Variants in CCDC7 observed in about 807,000 individuals in gnomAD.
CCDC7 encodes coiled-coil domain containing 7.
In CCDC7, 183 loss-of-function variants were observed where a neutral mutation model predicts 196.9. The observed-to-expected ratio is 0.93, with a 90% CI of 0.82 to 1.05. The LOEUF is 1.05. CCDC7 is among the 50% of genes least tolerant of loss of function. The pLI is 0.00. For synonymous variants in CCDC7, 525 were observed against 484.6 expected, an observed-to-expected ratio of 1.08 and a Z score of -1.10; for missense variants, 1,540 against 1,482.2, an observed-to-expected ratio of 1.04 and a Z score of -0.64.
At position 32,847,823 on chromosome 10, in the gene CCDC7, A is replaced by T; in HGVS notation, c.3689-10A>T. 1 of 1,560,954 alleles carries T rather than the reference A, an allele frequency of 6.4e-7. No individual in the cohort carries two copies. Among genetic ancestry groups the T allele is most frequent in the Non-Finnish European group, 8.7e-7 (1 of 1,146,488 alleles). ...TAAAAAGTGTTTTGAAATGTGTTTT[A>T]TGTCTATAGAGACTGATGTAGAACC... On this transcript the variant is annotated splice_polypyrimidine_tract_variant and intron_variant, in intron 37 of 41. Transcript: ENST00000639629.
rs367600346 is a variant in CCDC7 at position 32,686,086 on chromosome 10, T to C, written c.2233+6T>C. On this transcript the variant is annotated splice_donor_region_variant and intron_variant, in intron 22 of 41. Transcript: ENST00000639629. ...TACAGAGCAACCACTCACCAGTAAG[T>C]ATAAAAATTACACATAACTTTACAT... The C allele has an allele frequency of 2.6e-5, 34 of 1,290,428 alleles. No individual in the cohort carries two copies. The highest frequency in any genetic ancestry group is 3.5e-5 in the Non-Finnish European group (32 of 917,668). 79.9% of individuals were successfully genotyped at this position (1,290,428 alleles called of 1,614,324 possible).
At chr10:32,677,619 G>A (rs1488820915) in intron 21 of CCDC7, among the ~76,000 whole-genome samples, 10 of 152,010 alleles carry the variant, frequency 6.6e-5, no homozygotes. Context: ...TGTATGTGAT[G>A]TCATTTTTTT....
chr10:32,827,388 C>T (rs1367572495), intron 32 of CCDC7, among the ~76,000 whole-genome samples: 1 of 152,130 alleles, frequency 6.6e-6, no homozygotes, highest in African/African-American at 2.4e-5. Context: ...ATGGGAAGGG[C>T]AGAGGTTTGT....
intron 6 of CCDC7, among the ~76,000 whole-genome samples, chr10:32,472,117 G>T (rs1023062284): frequency 1.3e-5 from 2 of 152,150 alleles, no homozygotes; most frequent in African/African-American, 4.8e-5. Flanking sequence ...TGACCCAAAG[G>T]TCAGGTAGTC....
intron 9 of CCDC7, 134 bp downstream of exon 10, chr10:32,492,131 A>G: frequency 1.2e-6 from 1 of 866,204 alleles, no homozygotes; most frequent in Non-Finnish European, 1.6e-6. Flanking sequence ...TTGAAAACAT[A>G]AAGAAGAAAA....
At chr10:32,734,487 G>A (rs977886330) in intron 28 of CCDC7, among the ~76,000 whole-genome samples, 9 of 152,126 alleles carry the variant, frequency 5.9e-5, no homozygotes, top group Non-Finnish European at 1.2e-4. Context: ...TAACTATTGG[G>A]TATTGGGCTT....
In CCDC7 at chr10:32,799,413, G is replaced by A. The variant is rs140393181; in HGVS notation, c.3014-5602G>A. The stretch of plus-strand genomic sequence containing the variant: ...GCAGAGCAGCTTGCATAGCACCCTG[G>A]ACTTATTGCAGAGCCTTCTCCTGTT... On this transcript the variant is annotated intron_variant, in intron 29 of 41. Coordinates refer to ENST00000639629, the Ensembl canonical transcript of CCDC7. Among the ~76,000 whole-genome samples, 629 of 152,246 alleles carry A rather than the reference G, an allele frequency of 4.1e-3. 5 individuals are homozygous for A. Among genetic ancestry groups the A allele is most frequent in the African/African-American group, 0.014 (582 of 41,552 alleles).
At chr10:32,668,576 A>C (rs961324066) in intron 21 of CCDC7, among the ~76,000 whole-genome samples, 1 of 152,148 alleles carries the variant, frequency 6.6e-6, no homozygotes, top group Non-Finnish European at 1.5e-5. Context: ...ATTTTTTAGC[A>C]TGAAGGGCTG....
rs150995042 is a variant in CCDC7, at chr10:32,498,449, G to A, written c.872+6452G>A. Among the ~76,000 whole-genome samples the A allele has an allele frequency of 2.1e-3, 327 of 152,212 alleles. 5 individuals are homozygous for A. The East Asian group carries it at 0.046, about 21-fold the overall frequency. On this transcript the variant is annotated intron_variant, in intron 9 of 41. Transcript: ENST00000639629. Reference sequence around the variant, plus strand: ...ATGATGCTAGCTGGTTATTTTGCCCGTTAGTTGATGCTGTTTCTTCATAGC... The same window carrying A: ...ATGATGCTAGCTGGTTATTTTGCCCATTAGTTGATGCTGTTTCTTCATAGC...
chr10:32,543,772 A>T (rs1307374537), intron 12 of CCDC7, among the ~76,000 whole-genome samples: 1 of 152,048 alleles, frequency 6.6e-6, no homozygotes, highest in South Asian at 2.1e-4. Flanking sequence ...TTCTTATAAA[A>T]AGTTATTTAT....
At chr10:32,828,556 A>AAGG (rs2091743205) in intron 32 of CCDC7, among the ~76,000 whole-genome samples, 1 of 147,836 alleles carries the variant, frequency 6.8e-6, no homozygotes, top group Non-Finnish European at 1.5e-5. Context: ...GAAGAAGAAG[A>AAGG]AGAAAGAAGA....
At chr10:32,643,833 T>TTTTTGAAAATTAATTTTCAAAATTA (rs201611027) in intron 20 of CCDC7, among the ~76,000 whole-genome samples, 1,524 of 149,398 alleles carry the variant, frequency 0.01, 24 homozygotes, top group Non-Finnish European at 0.015. Context: ...ATTTGGTCTT[T>TTTTTGAAAATTAATTTTCAAAATTA]TTTTGAAAAT....
chr10:32,736,059 G>T (rs1044387101), intron 28 of CCDC7, among the ~76,000 whole-genome samples: 2 of 152,050 alleles, frequency 1.3e-5, no homozygotes, highest in Admixed American at 6.6e-5. Flanking sequence ...CTTGATTTCT[G>T]TAGGGCTACA....
chr10:32,612,302 C>A (rs1628278), intron 18 of CCDC7, among the ~76,000 whole-genome samples: 52,481 of 152,000 alleles, frequency 0.35, 11,489 homozygotes, highest in Non-Finnish European at 0.5. Context: ...TTGCTTATCA[C>A]CTTAAGGAAT....
chr10:32,501,562 C>T (rs1382304813), intron 9 of CCDC7, among the ~76,000 whole-genome samples: 5 of 152,102 alleles, frequency 3.3e-5, no homozygotes, highest in African/African-American at 1.2e-4. Flanking sequence ...GATACTATTC[C>T]TTTCTGTTTG....
chr10:32,853,929 T>C (rs2136315024), intron 40 of CCDC7, among the ~76,000 whole-genome samples: 1 of 152,270 alleles, frequency 6.6e-6, no homozygotes, highest in South Asian at 2.1e-4. Flanking sequence ...TGCAGGTTTG[T>C]TACATGGGTA....
At chr10:32,852,364 A>G (rs758839672) in intron 40 of CCDC7, among the ~76,000 whole-genome samples, 3 of 152,142 alleles carry the variant, frequency 2.0e-5, no homozygotes, top group Non-Finnish European at 4.4e-5. Context: ...ATTATCATCT[A>G]CCTAGGCTTT....
chr10:32,473,300 A>G (rs2038324065), intron 7 of CCDC7, among the ~76,000 whole-genome samples: 1 of 152,208 alleles, frequency 6.6e-6, no homozygotes, highest in South Asian at 2.1e-4. Flanking sequence ...AAGAAGGGAA[A>G]TATTTGGTAT....
intron 9 of CCDC7, among the ~76,000 whole-genome samples, chr10:32,499,680 A>G (rs1347643436): frequency 6.6e-6 from 1 of 151,310 alleles, no homozygotes; most frequent in African/African-American, 2.4e-5. Flanking sequence ...ATAGGACAAT[A>G]GTGGAGGGAA....
Sources: allele counts gnomAD v4.1 joint callset (sites outside exome capture counted in the v4.1 genomes callset), GRCh38; gene constraint gnomAD v4.1.1; transcripts MANE v1.5; gene names NCBI Gene and HGNC (gene_info 2026-07-23, HGNC 2026-07-21).